Variants in SUGCT observed in about 807,000 individuals in gnomAD.
The protein encoded by SUGCT is succinyl-CoA:glutarate-CoA transferase.
In SUGCT, 41 loss-of-function variants were observed where a neutral mutation model predicts 55.0. The ratio of observed to expected loss-of-function variants is 0.74; its 90% CI spans 0.58 to 0.97. SUGCT has a LOEUF of 0.97. SUGCT is among the 50% of genes least tolerant of loss of function. The probability of loss-of-function intolerance (pLI) is 0.00; values close to 1 mark genes in which losing one functional copy is unlikely to be tolerated. For missense variants in SUGCT, 568 were observed against 547.8 expected, an observed-to-expected ratio of 1.04 and a Z score of -0.37; for synonymous variants, 187 against 200.4, an observed-to-expected ratio of 0.93 and a Z score of 0.56.
At chr7:40,725,873 A>T (rs1232116345) in intron 12 of SUGCT, among the ~76,000 whole-genome samples, 2 of 151,952 alleles carry the variant, frequency 1.3e-5, no homozygotes, top group African/African-American at 4.8e-5. Context: ...TTTTTTTTAG[A>T]CAAGGGACCC....
At chr7:41,019,030 C>T in the SUGCT span, among the ~76,000 whole-genome samples, 16 of 151,986 alleles carry the variant, frequency 1.1e-4, no homozygotes, top group South Asian at 4.2e-4. Flanking sequence ...CTCAGCCTCC[C>T]GAGTAGCTGG....
the SUGCT span, among the ~76,000 whole-genome samples, chr7:40,961,781 C>T: frequency 1.3e-5 from 2 of 152,164 alleles, no homozygotes; most frequent in South Asian, 4.2e-4. Context: ...AGCAAAGCTG[C>T]AGACCTTCAC....
the SUGCT span, among the ~76,000 whole-genome samples, chr7:40,867,425 T>C: frequency 6.6e-6 from 1 of 151,904 alleles, no homozygotes; most frequent in Non-Finnish European, 1.5e-5. Flanking sequence ...CCAAAAATTC[T>C]GAAAAACGTT....
the SUGCT span, among the ~76,000 whole-genome samples, chr7:40,895,654 T>C: frequency 6.6e-6 from 1 of 151,972 alleles, no homozygotes; most frequent in Non-Finnish European, 1.5e-5. Context: ...CTTTTTATAA[T>C]AAAAAACCTC....
intron 13 of SUGCT, among the ~76,000 whole-genome samples, chr7:40,854,659 T>C (rs554651739): frequency 2.6e-5 from 4 of 152,014 alleles, no homozygotes; most frequent in East Asian, 3.9e-4. Context: ...CTTGAGAAAG[T>C]TGAAAGGTGG....
chr7:40,629,016 A>G (rs1281806612), intron 12 of SUGCT, among the ~76,000 whole-genome samples: 1 of 152,142 alleles, frequency 6.6e-6, no homozygotes, highest in African/African-American at 2.4e-5. Context: ...CTCGTTTTAC[A>G]GCACTGGTTC....
intron 13 of SUGCT, among the ~76,000 whole-genome samples, chr7:40,804,381 C>T (rs1790979747): frequency 6.6e-6 from 1 of 152,022 alleles, no homozygotes; most frequent in Non-Finnish European, 1.5e-5. Flanking sequence ...GTCTCTCTAA[C>T]ATTTAGAAAA....
At chr7:40,792,877 C>T (rs921399382) in intron 13 of SUGCT, among the ~76,000 whole-genome samples, 1 of 152,020 alleles carries the variant, frequency 6.6e-6, no homozygotes, top group African/African-American at 2.4e-5. Flanking sequence ...CAAATTTTTC[C>T]ATGTATCAGA....
chr7:40,946,699 G>T, the SUGCT span, among the ~76,000 whole-genome samples: 1 of 152,206 alleles, frequency 6.6e-6, no homozygotes, highest in East Asian at 1.9e-4. Context: ...TTATTTTGAA[G>T]AACAATTTTG....
intron 8 of SUGCT, among the ~76,000 whole-genome samples, chr7:40,310,047 G>C (rs928703536): frequency 1.3e-5 from 2 of 152,120 alleles, no homozygotes; most frequent in African/African-American, 4.8e-5. Flanking sequence ...CTTAAGTATA[G>C]GCTTATGTAG....
intron 9 of SUGCT, among the ~76,000 whole-genome samples, chr7:40,423,243 C>T (rs1466813813): frequency 6.6e-6 from 1 of 151,970 alleles, no homozygotes. Flanking sequence ...TTTTAGGAAC[C>T]CACCCTTTTA....
intron 9 of SUGCT, among the ~76,000 whole-genome samples, chr7:40,429,797 A>G (rs1479957081): frequency 6.6e-6 from 1 of 152,188 alleles, no homozygotes; most frequent in East Asian, 1.9e-4. Flanking sequence ...ATTTTGCATC[A>G]TTCAATCTAA....
intron 13 of SUGCT, among the ~76,000 whole-genome samples, chr7:40,789,679 G>A (rs1790209729): frequency 6.6e-6 from 1 of 152,148 alleles, no homozygotes; most frequent in South Asian, 2.1e-4. Flanking sequence ...TCTTGAGAGA[G>A]AAAAAGCCTT....
chr7:40,888,375 C>T, the SUGCT span, among the ~76,000 whole-genome samples: 475 of 151,170 alleles, frequency 3.1e-3, 2 homozygotes, highest in Non-Finnish European at 5.1e-3. Flanking sequence ...CACTTGAACC[C>T]GGGAAGCGAA....
intron 6 of SUGCT, among the ~76,000 whole-genome samples, chr7:40,229,484 A>G (rs1410058613): frequency 6.8e-6 from 1 of 147,962 alleles, no homozygotes; most frequent in Non-Finnish European, 1.5e-5. Flanking sequence ...GCTTCACTGA[A>G]CTCCAGTCTG....
At chr7:40,836,323 T>A (rs1172501964) in intron 13 of SUGCT, among the ~76,000 whole-genome samples, 3 of 152,256 alleles carry the variant, frequency 2.0e-5, no homozygotes, top group Non-Finnish European at 4.4e-5. Context: ...TTGACATATT[T>A]GTAGATTTAC....
chr7:40,592,188 T>C (rs750201183), intron 12 of SUGCT, among the ~76,000 whole-genome samples: 53 of 152,178 alleles, frequency 3.5e-4, no homozygotes, highest in Non-Finnish European at 4.0e-4. Flanking sequence ...CTAAGATCAC[T>C]TTCACCCTCA....
At chr7:40,908,317 A>C in the SUGCT span, among the ~76,000 whole-genome samples, 1 of 147,350 alleles carries the variant, frequency 6.8e-6, no homozygotes, top group Non-Finnish European at 1.5e-5. Flanking sequence ...TGGGAGGTGG[A>C]GCTTGCAGTG....
chr7:40,513,692 A>G lies in SUGCT; in HGVS notation c.1089+17306A>G, dbSNP rs1793068659. On this transcript the variant is annotated intron_variant, in intron 12 of 13. Transcript: ENST00000335693. ...TTTGAAAAAGTGACCTTCGTCCTGAAGATATTTATGAGCTATAATTAGGAC... is the reference window on the plus strand; with the variant it reads ...TTTGAAAAAGTGACCTTCGTCCTGAGGATATTTATGAGCTATAATTAGGAC... Among the ~76,000 whole-genome samples, 4 of 152,120 alleles carry G rather than the reference A, an allele frequency of 2.6e-5. No individual in the cohort carries two copies. In the South Asian group the frequency reaches 8.3e-4, roughly 32 times the overall value.
Sources: gnomAD v4.1 joint callset for allele counts (sites outside exome capture counted in the v4.1 genomes callset) on GRCh38, gnomAD v4.1.1 for gene constraint, MANE v1.5 for transcripts, NCBI Gene and HGNC (gene_info 2026-07-23, HGNC 2026-07-21) for gene names.